Variants in PLCB1 observed in about 807,000 individuals in gnomAD.
The protein encoded by PLCB1 is phospholipase C beta 1.
A neutral mutation model predicts 161.8 loss-of-function variants in PLCB1; 46 were observed. That is an observed-to-expected ratio of 0.28 (90% CI 0.22 to 0.36). PLCB1 has a LOEUF of 0.36. PLCB1 is among the 10% of genes least tolerant of loss of function. The pLI, the probability that PLCB1 is intolerant of heterozygous loss-of-function variation, is 1.00. For synonymous variants in PLCB1, 517 were observed against 503.7 expected, an observed-to-expected ratio of 1.03 and a Z score of -0.35; for missense variants, 1,016 against 1,472.5, an observed-to-expected ratio of 0.69 and a Z score of 5.07.
chr20:8,881,358 T>TGTGTGTGTGTGTGTGTGTGTGC (rs369188885), intron 31 of PLCB1, among the ~76,000 whole-genome samples: 16 of 150,614 alleles, frequency 1.1e-4, no homozygotes, highest in South Asian at 2.1e-4. Context: ...TGTGTGTGTG[T>TGTGTGTGTGTGTGTGTGTGTGC]GCATTTGTAG....
intron 2 of PLCB1, among the ~76,000 whole-genome samples, chr20:8,320,831 G>C (rs1428751146): frequency 2.8e-5 from 2 of 70,296 alleles, no homozygotes; most frequent in Admixed American, 3.3e-4. Context: ...GGGAGGGAGA[G>C]AGGGAGGGAG....
At chr20:8,784,372 G>A (rs548592208) in intron 27 of PLCB1, among the ~76,000 whole-genome samples, 1 of 152,142 alleles carries the variant, frequency 6.6e-6, no homozygotes, top group African/African-American at 2.4e-5. Flanking sequence ...AGAGCAGCCT[G>A]GGCAACATGG....
intron 31 of PLCB1, among the ~76,000 whole-genome samples, chr20:8,845,006 C>T (rs947477946): frequency 5.9e-5 from 9 of 151,800 alleles, no homozygotes; most frequent in East Asian, 1.9e-4. Flanking sequence ...CCCAGCTACT[C>T]GGGAGGCTGA....
intron 1 of PLCB1, among the ~76,000 whole-genome samples, chr20:8,133,826 G>A (rs931751653): frequency 3.9e-5 from 6 of 152,330 alleles, no homozygotes; most frequent in African/African-American, 1.4e-4. Flanking sequence ...GGAGAATGAG[G>A]CGTTCTTCTT....
At chr20:8,278,990 C>CAAAAA (rs1434131560) in intron 2 of PLCB1, among the ~76,000 whole-genome samples, 4 of 148,880 alleles carry the variant, frequency 2.7e-5, no homozygotes, top group African/African-American at 9.9e-5. Context: ...AAAAAAAAAA[C>CAAAAA]AAAACAGAAA....
chr20:8,548,097 C>T (rs1985623182), intron 3 of PLCB1, among the ~76,000 whole-genome samples: 1 of 149,134 alleles, frequency 6.7e-6, no homozygotes, highest in Non-Finnish European at 1.5e-5. Flanking sequence ...TCCCTTTCTT[C>T]CTCCCTTCCC....
At chr20:8,156,324 A>G (rs2051561648) in intron 2 of PLCB1, among the ~76,000 whole-genome samples, 1 of 152,130 alleles carries the variant, frequency 6.6e-6, no homozygotes, top group South Asian at 2.1e-4. Flanking sequence ...AAGCCCAGTT[A>G]CCCACAGTGG....
intron 3 of PLCB1, among the ~76,000 whole-genome samples, chr20:8,582,423 C>T (rs748303005): frequency 1.3e-5 from 2 of 152,214 alleles, no homozygotes; most frequent in Middle Eastern, 3.4e-3. Flanking sequence ...GTTGGGACAG[C>T]ACCGTGGTAC....
intron 3 of PLCB1, among the ~76,000 whole-genome samples, chr20:8,514,640 C>T (rs1984036701): frequency 6.6e-6 from 1 of 152,026 alleles, no homozygotes; most frequent in African/African-American, 2.4e-5. Context: ...CAATACTGTG[C>T]CCCATAGAGT....
At chr20:8,854,784 C>G (rs1013573732) in intron 31 of PLCB1, among the ~76,000 whole-genome samples, 1 of 152,240 alleles carries the variant, frequency 6.6e-6, no homozygotes, top group African/African-American at 2.4e-5. Flanking sequence ...GGCAAGGAGC[C>G]TCCTGTGTAT....
intron 3 of PLCB1, among the ~76,000 whole-genome samples, chr20:8,546,564 A>C (rs1985557753): frequency 6.6e-6 from 1 of 152,122 alleles, no homozygotes; most frequent in African/African-American, 2.4e-5. Context: ...CTTAAGCTCT[A>C]GGGGGGAGGT....
chr20:8,835,514 G>T (rs1300872240), intron 31 of PLCB1, among the ~76,000 whole-genome samples: 1 of 151,742 alleles, frequency 6.6e-6, no homozygotes, highest in Non-Finnish European at 1.5e-5. Flanking sequence ...ATTCTATTAT[G>T]ACTTATATAT....
intron 2 of PLCB1, chr20:8,249,607 C>T (rs1169300917): frequency 2.0e-5 from 3 of 151,862 alleles, no homozygotes; most frequent in African/African-American, 4.8e-5. Flanking sequence ...TTATTGTGAT[C>T]GACAGAAAGT....
At chr20:8,856,040 C>A (rs1406554729) in intron 31 of PLCB1, among the ~76,000 whole-genome samples, 1 of 152,124 alleles carries the variant, frequency 6.6e-6, no homozygotes, top group African/African-American at 2.4e-5. Context: ...ACCACAAAAA[C>A]TACAATACTG....
chr20:8,739,504 T>G (rs555449139), intron 21 of PLCB1, 144 bp downstream of exon 21: 1 of 620,628 alleles, frequency 1.6e-6, no homozygotes, highest in African/African-American at 1.8e-5. Flanking sequence ...TTTAGTTACA[T>G]GTTTTTGTGA....
chr20:8,715,308 G>A (rs1262673690), intron 12 of PLCB1, among the ~76,000 whole-genome samples: 5 of 152,232 alleles, frequency 3.3e-5, no homozygotes. Flanking sequence ...CCCTATATCA[G>A]CTGTGTTTAC....
chr20:8,468,206 C>G (rs1455442706), intron 3 of PLCB1, among the ~76,000 whole-genome samples: 1 of 151,984 alleles, frequency 6.6e-6, no homozygotes, highest in Non-Finnish European at 1.5e-5. Context: ...TATAGAGGCT[C>G]TATATGTTCT....
chr20:8,166,403 T>C (rs2123059923), intron 2 of PLCB1, among the ~76,000 whole-genome samples: 1 of 152,278 alleles, frequency 6.6e-6, no homozygotes, highest in African/African-American at 2.4e-5. Context: ...TTTCTTGACT[T>C]TCTTTTTCTC....
At chr20:8,282,671 G>A (rs972597183) in intron 2 of PLCB1, among the ~76,000 whole-genome samples, 2 of 152,134 alleles carry the variant, frequency 1.3e-5, no homozygotes, top group African/African-American at 4.8e-5. Context: ...TGCAAAGCAA[G>A]GGAAAATAAT....
Sources: allele counts gnomAD v4.1 joint callset (sites outside exome capture counted in the v4.1 genomes callset), GRCh38; gene constraint gnomAD v4.1.1; transcripts MANE v1.5; gene names NCBI Gene and HGNC (gene_info 2026-07-23, HGNC 2026-07-21).